The following TFDP2 variants were observed in gnomAD, a reference collection of about 807,000 sequenced individuals.
TFDP2 encodes the protein transcription factor Dp-2 (E2F dimerization partner 2).
In TFDP2, 17 loss-of-function variants were observed where a neutral mutation model predicts 59.3. The observed-to-expected ratio is 0.29, with a 90% CI of 0.20 to 0.43. The LOEUF (loss-of-function observed/expected upper bound fraction) is 0.43, where lower values mean the gene tolerates loss of function less well. Ranked by LOEUF, TFDP2 falls within the 20% of genes least tolerant of loss-of-function variation. The pLI is 1.00. For missense variants in TFDP2, 391 were observed against 528.8 expected (o/e 0.74, Z 2.56); for synonymous variants, 180 against 194.7 (o/e 0.92, Z 0.63).
At chr3:142,021,938 C>T (rs920646285) in intron 3 of TFDP2, among the ~76,000 whole-genome samples, 2 of 152,156 alleles carry the variant, frequency 1.3e-5, no homozygotes, top group Non-Finnish European at 2.9e-5. Context: ...TTTTCATTGG[C>T]TTCTTTATCT....
intron 3 of TFDP2, among the ~76,000 whole-genome samples, chr3:142,065,129 G>T (rs1339504913): frequency 6.8e-6 from 1 of 148,044 alleles, no homozygotes; most frequent in Non-Finnish European, 1.5e-5. Context: ...TTTGCAGAAT[G>T]GAATTCTGTT....
chr3:142,107,707 G>C (rs970283799), intron 1 of TFDP2, among the ~76,000 whole-genome samples: 2 of 152,028 alleles, frequency 1.3e-5, no homozygotes, highest in Non-Finnish European at 2.9e-5. Context: ...GAGAGTTCAA[G>C]CAATTTTCCC....
chr3:142,053,227 T>A (rs1947734836), intron 3 of TFDP2, among the ~76,000 whole-genome samples: 1 of 152,156 alleles, frequency 6.6e-6, no homozygotes, highest in South Asian at 2.1e-4. Context: ...AATGTAATCC[T>A]CAATGTTGGA....
chr3:142,034,981 C>T (rs1033980636), intron 3 of TFDP2, among the ~76,000 whole-genome samples: 4 of 152,202 alleles, frequency 2.6e-5, no homozygotes, highest in African/African-American at 9.6e-5. Flanking sequence ...GCTGGGATTA[C>T]AGGTGTGAGC....
At position 141,974,191 on chromosome 3, in the gene TFDP2, C is replaced by A; in HGVS notation, c.520G>T (p.Ala174Ser). Residue 174 changes from alanine to serine, a missense_variant and splice_region_variant, in exon 8 of 13, where the codon GCT becomes TCT. This residue lies in a region of TFDP2 where 162 missense variants were observed against 206.8 expected (regional missense o/e 0.78). Coordinates refer to ENST00000489671, the MANE Select transcript of TFDP2 (RefSeq NM_001178139.2). Reference sequence around the variant, plus strand: ...CGCCTAATGTTCTTCTGATCATAAGCCTGCTAAAAAATATTTTCACTGAGT... The same window carrying A: ...CGCCTAATGTTCTTCTGATCATAAGACTGCTAAAAAATATTTTCACTGAGT... Reference protein sequence around the residue: ...NSNNHLAADSAYDQKNIRRRV... With the variant: ...NSNNHLAADSSYDQKNIRRRV... 6.3e-7 allele frequency: 1 copy of A among 1,590,786 alleles called. No individual in the cohort carries two copies. The highest frequency in any genetic ancestry group is 1.4e-5 in the African/African-American group (1 of 73,668).
chr3:142,040,165 G>A (rs1946891476), intron 3 of TFDP2, among the ~76,000 whole-genome samples: 2 of 151,804 alleles, frequency 1.3e-5, no homozygotes, highest in Admixed American at 1.3e-4. Flanking sequence ...AAGAGATAAA[G>A]CTATCAACAG....
chr3:142,014,358 C>T (rs1214961186), intron 3 of TFDP2, among the ~76,000 whole-genome samples: 3 of 151,810 alleles, frequency 2.0e-5, no homozygotes, highest in Non-Finnish European at 4.4e-5. Context: ...GTATATTGCC[C>T]GGGCTGGTCT....
chr3:142,002,490 C>T (rs988003791), intron 4 of TFDP2, among the ~76,000 whole-genome samples: 2 of 152,026 alleles, frequency 1.3e-5, no homozygotes, highest in African/African-American at 4.8e-5. Flanking sequence ...ATGGCTTTTC[C>T]TCCAGTTTCC....
intron 3 of TFDP2, among the ~76,000 whole-genome samples, chr3:142,034,086 C>A (rs1946560280): frequency 7.4e-6 from 1 of 134,978 alleles, no homozygotes; most frequent in Non-Finnish European, 1.5e-5. Context: ...AGCTTTTGCA[C>A]CAACTTTTTT....
At chr3:141,973,123 A>ATATATATATATATTTTTTTTTTT in intron 8 of TFDP2, among the ~76,000 whole-genome samples, 32 of 57,988 alleles carry the variant, frequency 5.5e-4, no homozygotes, top group Non-Finnish European at 8.6e-4. Context: ...ATATATATAT[A>ATATATATATATATTTTTTTTTTT]TTTTTTTTTT....
intron 7 of TFDP2, among the ~76,000 whole-genome samples, chr3:141,977,471 G>A (rs1048325829): frequency 1.3e-5 from 2 of 150,992 alleles, no homozygotes; most frequent in Non-Finnish European, 2.9e-5. Flanking sequence ...TGCCATTTTT[G>A]GTCCCAGCTA....
At chr3:142,113,055 T>G (rs899314332) in intron 1 of TFDP2, among the ~76,000 whole-genome samples, 2 of 152,146 alleles carry the variant, frequency 1.3e-5, no homozygotes, top group Non-Finnish European at 2.9e-5. Context: ...ATAGAAACAT[T>G]CTTTTATCAA....
rs561593570 is a variant in TFDP2, at chr3:142,027,074, T to C, written c.83-21530A>G. ...GTACCTACTGTCTAGTGATAAACTT[T>C]TGCAACTGTTTCCTCTATATTTTAG... On this transcript the variant is annotated intron_variant, in intron 3 of 12. Transcript: ENST00000489671. Among the ~76,000 whole-genome samples the C allele has an allele frequency of 3.0e-3, 99 of 33,214 alleles. No individual in the cohort carries two copies. The African/African-American group carries it at 0.038, about 13-fold the overall frequency. The allele number at this position is 33,214 out of a possible 152,430, so 21.8% of individuals were successfully genotyped here.
At chr3:142,004,947 A>G (rs1944098029) in intron 4 of TFDP2, among the ~76,000 whole-genome samples, 1 of 152,254 alleles carries the variant, frequency 6.6e-6, no homozygotes, top group African/African-American at 2.4e-5. Context: ...TAAATATCAA[A>G]GAGCACACAA....
intron 3 of TFDP2, among the ~76,000 whole-genome samples, chr3:142,047,736 C>CTTTTT (rs10707832): frequency 1.8e-5 from 2 of 112,478 alleles, no homozygotes; most frequent in African/African-American, 3.1e-5. Flanking sequence ...AACTAATATG[C>CTTTTT]TTTTTTTTTT....
chr3:142,016,307 T>C (rs1002057450), intron 3 of TFDP2, among the ~76,000 whole-genome samples: 1 of 144,730 alleles, frequency 6.9e-6, no homozygotes, highest in African/African-American at 2.6e-5. Context: ...GCAACATTTT[T>C]TTTTTTTTTT....
chr3:142,129,595 T>C (rs952551329), intron 1 of TFDP2, among the ~76,000 whole-genome samples: 4 of 152,062 alleles, frequency 2.6e-5, no homozygotes, highest in Non-Finnish European at 5.9e-5. Flanking sequence ...AGAACCCCTA[T>C]AATGCAACAA....
chr3:142,142,174 T>G (rs1484094287), intron 1 of TFDP2, among the ~76,000 whole-genome samples: 2 of 152,208 alleles, frequency 1.3e-5, no homozygotes, highest in Non-Finnish European at 2.9e-5. Context: ...TGTTTGCAGA[T>G]GATGCAATTT....
At position 142,119,118 on chromosome 3, in the gene TFDP2, G is replaced by A. The variant is rs185335262; in HGVS notation, c.-92-17277C>T. ...AGAGGTTGCAGTGAGCCAAGATTGC[G>A]CCACTGTACTCCAGACTGGGTGAAA... On this transcript the variant is annotated intron_variant, in intron 1 of 12. Coordinates refer to ENST00000489671, the MANE Select transcript of TFDP2 (RefSeq NM_001178139.2). Among the ~76,000 whole-genome samples, 6 of 152,024 alleles carry A rather than the reference G, an allele frequency of 3.9e-5. No homozygotes were observed. In the East Asian group the frequency reaches 7.7e-4, roughly 20 times the overall value.
Sources: gnomAD v4.1 joint callset for allele counts (sites outside exome capture counted in the v4.1 genomes callset) on GRCh38, gnomAD v4.1.1 for gene constraint, gnomAD v4.1.1 regional missense constraint, MANE v1.5 for transcripts, NCBI Gene and HGNC (gene_info 2026-07-23, HGNC 2026-07-21) for gene names.